Variants in ABCD3 observed in about 807,000 individuals in gnomAD.
ABCD3 encodes ATP binding cassette subfamily D member 3.
In ABCD3, 41 loss-of-function variants were observed where a neutral mutation model predicts 105.5. The ratio of observed to expected loss-of-function variants is 0.39; its 90% CI spans 0.30 to 0.50. The LOEUF is 0.50. Among genes scored for constraint, ABCD3 ranks in the 20% least tolerant of loss-of-function variants. ABCD3 has a pLI of 0.84. For missense variants in ABCD3, 622 were observed against 806.3 expected (o/e 0.77, Z 2.77); for synonymous variants, 258 against 269.0 (o/e 0.96, Z 0.40).
chr1:94,483,434 CAT>C (rs1649122584), intron 10 of ABCD3, among the ~76,000 whole-genome samples, 195 bp downstream of exon 10: 3 of 152,022 alleles, frequency 2.0e-5, no homozygotes, highest in Admixed American at 2.0e-4. Flanking sequence ...TAAAAACTAT[CAT>C]ATCAATATAT....
At chr1:94,457,076 C>T (rs987210687) in intron 1 of ABCD3, among the ~76,000 whole-genome samples, 1 of 152,062 alleles carries the variant, frequency 6.6e-6, no homozygotes. Flanking sequence ...GTCCTTTGCT[C>T]GTTTTTTAAA....
At chr1:94,501,266 A>G (rs1170135700) in intron 20 of ABCD3, among the ~76,000 whole-genome samples, 2 of 124,718 alleles carry the variant, frequency 1.6e-5, no homozygotes, top group Non-Finnish European at 3.3e-5. Flanking sequence ...GTCTCAAAAG[A>G]AAAAAAAAAA....
rs71094302 is a variant in ABCD3 at position 94,496,694 on chromosome 1, G to GTTTTTTT, written c.1387-1885_1387-1879dup. ...CTTCAGTAAAATCAGCCTTGTTTCT[G>GTTTTTTT]TTTTTTTTTTTTTTTTTTTTTTTTT... On this transcript the variant is annotated intron_variant, in intron 16 of 22. Coordinates refer to ENST00000370214, the MANE Select transcript of ABCD3 (RefSeq NM_002858.4). Among the ~76,000 whole-genome samples the GTTTTTTT allele has an allele frequency of 5.9e-3, 232 of 39,392 alleles. 23 individuals are homozygous for GTTTTTTT. Among genetic ancestry groups the GTTTTTTT allele is most frequent in the East Asian group, 0.013 (12 of 930 alleles). The allele number at this position is 39,392 out of a possible 152,430, so 25.8% of individuals were successfully genotyped here.
intron 16 of ABCD3, among the ~76,000 whole-genome samples, chr1:94,494,749 G>T (rs1485073982): frequency 6.6e-6 from 1 of 152,138 alleles, no homozygotes; most frequent in African/African-American, 2.4e-5. Context: ...ATATTTATCT[G>T]TCTAGATATT....
intron 1 of ABCD3, among the ~76,000 whole-genome samples, chr1:94,434,224 A>G (rs1659806759): frequency 1.3e-5 from 2 of 152,208 alleles, no homozygotes; most frequent in Admixed American, 1.3e-4. Context: ...CCACTTCTAT[A>G]TCTTGTCCCA....
intron 1 of ABCD3, among the ~76,000 whole-genome samples, chr1:94,420,541 T>C (rs1232628702): frequency 6.6e-6 from 1 of 152,148 alleles, no homozygotes; most frequent in African/African-American, 2.4e-5. Flanking sequence ...TGCATTGGGA[T>C]GAGTGGGGAA....
At chr1:94,488,712 T>G (rs1174992601) in intron 13 of ABCD3, among the ~76,000 whole-genome samples, 1 of 151,958 alleles carries the variant, frequency 6.6e-6, no homozygotes, top group Non-Finnish European at 1.5e-5. Context: ...ATGAGTAGAG[T>G]CTCTTTCATG....
intron 16 of ABCD3, among the ~76,000 whole-genome samples, chr1:94,494,093 A>G (rs887924696): frequency 6.6e-6 from 1 of 152,132 alleles, no homozygotes; most frequent in African/African-American, 2.4e-5. Context: ...TTAAAGTATA[A>G]TAATAATAAA....
chr1:94,434,541 G>A (rs1659824543), intron 1 of ABCD3, among the ~76,000 whole-genome samples: 1 of 152,134 alleles, frequency 6.6e-6, no homozygotes, highest in Non-Finnish European at 1.5e-5. Context: ...GCGGTATGAT[G>A]TCAGCTACAG....
chr1:94,388,398 A>G, the ABCD3 span, among the ~76,000 whole-genome samples: 8 of 151,966 alleles, frequency 5.3e-5, no homozygotes, highest in African/African-American at 1.9e-4. Context: ...CTTCCCTCCA[A>G]TTTTTTTCTG....
At chr1:94,480,692 A>G (rs780220207) in intron 9 of ABCD3, 86 bp downstream of exon 9, 7 of 1,379,990 alleles carry the variant, frequency 5.1e-6, no homozygotes, top group Non-Finnish European at 7.2e-6. Flanking sequence ...AAGTCTAGTG[A>G]CACTGTTACT....
At chr1:94,421,345 C>T (rs775703267) in intron 1 of ABCD3, among the ~76,000 whole-genome samples, 6 of 151,996 alleles carry the variant, frequency 3.9e-5, no homozygotes, top group Non-Finnish European at 7.4e-5. Context: ...CATTTCTATC[C>T]CACCAGAAAG....
intron 20 of ABCD3, among the ~76,000 whole-genome samples, chr1:94,500,518 A>G (rs987783707): frequency 6.6e-6 from 1 of 152,176 alleles, no homozygotes; most frequent in African/African-American, 2.4e-5. Flanking sequence ...CTTCATAAAG[A>G]GTCATTTTTT....
At chr1:94,456,562 G>C (rs12131066) in intron 1 of ABCD3, among the ~76,000 whole-genome samples, 3 of 151,426 alleles carry the variant, frequency 2.0e-5, no homozygotes, top group Non-Finnish European at 4.4e-5. Context: ...ACAGGCCTGA[G>C]CTGCCACACT....
At chr1:94,498,499 A>T in intron 16 of ABCD3, 103 bp from the exon 17 acceptor site, 1 of 1,182,114 alleles carries the variant, frequency 8.5e-7, no homozygotes, top group Middle Eastern at 2.5e-4. Context: ...GAAGGCTTAT[A>T]ATTAGCCAGG....
chr1:94,478,495 A>G (rs1158799150), intron 8 of ABCD3, 180 bp downstream of exon 8: 1 of 1,456,616 alleles, frequency 6.9e-7, no homozygotes, highest in Non-Finnish European at 9.5e-7. Flanking sequence ...AGAAGTACTA[A>G]TTTTTCTTTT....
chr1:94,477,000 T>C (rs1049087468), intron 7 of ABCD3, among the ~76,000 whole-genome samples: 1 of 152,068 alleles, frequency 6.6e-6, no homozygotes, highest in Non-Finnish European at 1.5e-5. Context: ...CATTATTATG[T>C]ATTCTTTAAA....
chr1:94,465,844 TTC>T (rs1445255071), intron 3 of ABCD3, among the ~76,000 whole-genome samples: 1 of 152,206 alleles, frequency 6.6e-6, no homozygotes, highest in Non-Finnish European at 1.5e-5. Context: ...TTCCTCAGCA[TTC>T]TCTCATTCTG....
chr1:94,518,527 A>G lies in ABCD3; in HGVS notation c.*1398A>G, dbSNP rs1016625339. On this transcript the variant is annotated 3_prime_UTR_variant, in exon 23 of 23. Transcript: ENST00000370214. ...AAAAAAAAAAAAACTCAGATATCCTATACAACCTTTGCTTGTTCTTTTTAT... is the reference window on the plus strand; with the variant it reads ...AAAAAAAAAAAAACTCAGATATCCTGTACAACCTTTGCTTGTTCTTTTTAT... 2 of 151,016 alleles carry G rather than the reference A, an allele frequency of 1.3e-5. No homozygotes were observed. The highest frequency in any genetic ancestry group is 4.9e-5 in the African/African-American group (2 of 41,098). The allele number at this position is 151,016 out of a possible 1,614,324, so 9.4% of individuals were successfully genotyped here.
Sources: allele counts gnomAD v4.1 joint callset (sites outside exome capture counted in the v4.1 genomes callset), GRCh38; gene constraint gnomAD v4.1.1; transcripts MANE v1.5; gene names NCBI Gene and HGNC (gene_info 2026-07-23, HGNC 2026-07-21).